The following CADM2 variants were observed in gnomAD, a reference collection of about 807,000 sequenced individuals.
CADM2 encodes cell adhesion molecule 2.
A neutral mutation model predicts 49.8 loss-of-function variants in CADM2; 12 were observed. That is an observed-to-expected ratio of 0.24 (90% CI 0.15 to 0.39). The LOEUF (loss-of-function observed/expected upper bound fraction) is 0.39. Ranked by LOEUF, CADM2 falls within the 10% of genes least tolerant of loss-of-function variation. The pLI, the probability that CADM2 is intolerant of heterozygous loss-of-function variation, is 1.00. For synonymous variants in CADM2, 214 were observed against 175.4 expected (o/e 1.22, Z -1.74); for missense variants, 378 against 492.3 (o/e 0.77, Z 2.20).
intron 1 of CADM2, among the ~76,000 whole-genome samples, chr3:85,455,649 T>C (rs553907694): frequency 4.6e-5 from 7 of 152,204 alleles, no homozygotes; most frequent in Admixed American, 3.3e-4. Flanking sequence ...TTGAAATTCT[T>C]ACTTAATATC....
intron 1 of CADM2, among the ~76,000 whole-genome samples, chr3:85,166,048 C>T (rs1170049672): frequency 1.3e-5 from 2 of 151,478 alleles, no homozygotes; most frequent in Non-Finnish European, 3.0e-5. Flanking sequence ...ACATGTAGTT[C>T]TTTAAAGCAC....
At chr3:85,233,209 G>T (rs1435094371) in intron 1 of CADM2, among the ~76,000 whole-genome samples, 1 of 152,114 alleles carries the variant, frequency 6.6e-6, no homozygotes, top group Non-Finnish European at 1.5e-5. Context: ...GACGGTGAAA[G>T]ATCAGTAGTT....
rs542568710 is a variant in CADM2, at chr3:84,974,180, CTGGAA to C, written c.61+14517_61+14521del. On this transcript the variant is annotated intron_variant, in intron 1 of 9. Coordinates refer to ENST00000383699, the MANE Select transcript of CADM2 (RefSeq NM_001167675.2). ...TACTATTTATTGGCTAGTGATATCT[CTGGAA>C]TGGATGATATACATGTTAAAATAGA... 4.7e-3 allele frequency among the ~76,000 whole-genome samples: 715 copies of C among 151,756 alleles called. 5 individuals are homozygous for C. The highest frequency in any genetic ancestry group is 0.017 in the African/African-American group (688 of 41,412).
intron 1 of CADM2, among the ~76,000 whole-genome samples, chr3:85,500,505 A>AT (rs548984971): frequency 2.0e-5 from 3 of 150,974 alleles, no homozygotes; most frequent in East Asian, 3.9e-4. Context: ...TTTCTGATAT[A>AT]TTTTTTCATA....
chr3:85,885,264 C>T (rs868793716), intron 4 of CADM2, among the ~76,000 whole-genome samples: 13 of 151,694 alleles, frequency 8.6e-5, no homozygotes, highest in South Asian at 6.3e-4. Context: ...AGGCCAGGCA[C>T]GGTGGCTCTT....
chr3:85,431,540 G>A (rs1368395845), intron 1 of CADM2, among the ~76,000 whole-genome samples: 1 of 151,854 alleles, frequency 6.6e-6, no homozygotes, highest in South Asian at 2.1e-4. Flanking sequence ...CATGCTGAGA[G>A]GAAGGAGTCA....
At chr3:85,507,278 C>T (rs2040398744) in intron 1 of CADM2, among the ~76,000 whole-genome samples, 1 of 150,858 alleles carries the variant, frequency 6.6e-6, no homozygotes, top group South Asian at 2.1e-4. Flanking sequence ...CCACCTCCCT[C>T]CCATGTTCAA....
intron 1 of CADM2, among the ~76,000 whole-genome samples, chr3:85,062,816 T>C (rs2036384417): frequency 6.6e-6 from 1 of 151,972 alleles, no homozygotes; most frequent in South Asian, 2.1e-4. Context: ...GTGTTCATTA[T>C]GGAATTGTTT....
intron 1 of CADM2, among the ~76,000 whole-genome samples, chr3:85,047,634 T>C (rs1270827904): frequency 6.6e-6 from 1 of 152,144 alleles, no homozygotes; most frequent in African/African-American, 2.4e-5. Flanking sequence ...CACAAATGGT[T>C]TTATAACTAA....
intron 2 of CADM2, among the ~76,000 whole-genome samples, chr3:85,776,220 A>G (rs530161680): frequency 6.6e-6 from 1 of 151,968 alleles, no homozygotes; most frequent in East Asian, 1.9e-4. Flanking sequence ...CTTCATTGAG[A>G]AAAATACATC....
chr3:85,157,624 A>C (rs954494343), intron 1 of CADM2, among the ~76,000 whole-genome samples: 4 of 152,160 alleles, frequency 2.6e-5, no homozygotes, highest in African/African-American at 9.7e-5. Context: ...TGCTGGGAAA[A>C]CTGGCTAGCC....
chr3:85,009,146 C>T (rs2033872483), intron 1 of CADM2, among the ~76,000 whole-genome samples: 1 of 152,112 alleles, frequency 6.6e-6, no homozygotes, highest in Non-Finnish European at 1.5e-5. Flanking sequence ...AATGAATGGA[C>T]CTAAACTTTT....
At chr3:85,175,927 T>TC (rs1289987838) in intron 1 of CADM2, among the ~76,000 whole-genome samples, 4 of 116,490 alleles carry the variant, frequency 3.4e-5, no homozygotes, top group Middle Eastern at 3.8e-3. Context: ...ATCTTTTTTT[T>TC]TTTTTTTTTT....
chr3:85,605,009 A>G (rs528522798), intron 1 of CADM2, among the ~76,000 whole-genome samples: 1 of 152,188 alleles, frequency 6.6e-6, no homozygotes, highest in Admixed American at 6.6e-5. Context: ...ATACTACATC[A>G]TCAGTTCCAG....
chr3:85,488,450 C>A (rs1173331433), intron 1 of CADM2, among the ~76,000 whole-genome samples: 5 of 152,012 alleles, frequency 3.3e-5, no homozygotes, highest in African/African-American at 4.8e-5. Context: ...AGTAGTCAGC[C>A]TCTGGATTTT....
chr3:85,546,531 C>T (rs2061673447), intron 1 of CADM2, among the ~76,000 whole-genome samples: 1 of 151,886 alleles, frequency 6.6e-6, no homozygotes, highest in African/African-American at 2.4e-5. Flanking sequence ...ATATTGCTAA[C>T]ATTAGAATGG....
chr3:86,068,564 A>G lies in CADM2; in HGVS notation c.*1781A>G, dbSNP rs1477959791. 3.3e-5 allele frequency: 5 copies of G among 151,972 alleles called. No homozygotes were observed. Among genetic ancestry groups the G allele is most frequent in the African/African-American group, 4.8e-5 (2 of 41,446 alleles). The allele number at this position is 151,972 out of a possible 1,614,324, so 9.4% of individuals were successfully genotyped here. A position where few individuals can be genotyped will look rare whatever the true frequency, so the allele number is the denominator to read the frequency against. On this transcript the variant is annotated 3_prime_UTR_variant, in exon 10 of 10. Transcript: ENST00000383699. ...AACATCATGTATTAATATCAAATGA[A>G]AGACAAGGGTGCTGTATCTTTGATT...
chr3:85,809,566 C>T (rs776385606), intron 3 of CADM2, among the ~76,000 whole-genome samples: 2 of 151,968 alleles, frequency 1.3e-5, no homozygotes, highest in Non-Finnish European at 2.9e-5. Flanking sequence ...CACAGAAAGA[C>T]CCTGTCTCAT....
At chr3:85,630,458 A>C (rs1215744456) in intron 1 of CADM2, among the ~76,000 whole-genome samples, 1 of 152,048 alleles carries the variant, frequency 6.6e-6, no homozygotes, top group Non-Finnish European at 1.5e-5. Flanking sequence ...TGTAGAAACA[A>C]CTGCTTCTCA....
Sources: gnomAD v4.1 joint callset for allele counts (sites outside exome capture counted in the v4.1 genomes callset) on GRCh38, gnomAD v4.1.1 for gene constraint, MANE v1.5 for transcripts, NCBI Gene and HGNC (gene_info 2026-07-23, HGNC 2026-07-21) for gene names.